The following NBEA variants were observed in gnomAD, a reference collection of about 807,000 sequenced individuals.
The protein encoded by NBEA is neurobeachin.
Under a neutral mutation model 343.4 loss-of-function variants are expected in NBEA, and 44 were observed. That is an observed-to-expected ratio of 0.13 (90% CI 0.10 to 0.16). The LOEUF (loss-of-function observed/expected upper bound fraction) is 0.16. NBEA is among the 10% of genes least tolerant of loss of function. The pLI, the probability that NBEA is intolerant of heterozygous loss-of-function variation, is 1.00. For missense variants in NBEA, 2,555 were observed against 3,631.3 expected (o/e 0.70, Z 7.62); for synonymous variants, 1,175 against 1,238.7 (o/e 0.95, Z 1.08).
intron 41 of NBEA, among the ~76,000 whole-genome samples, chr13:35,509,624 C>T (rs1471679809): frequency 6.6e-6 from 1 of 152,136 alleles, no homozygotes; most frequent in East Asian, 1.9e-4. Flanking sequence ...GCAACCTTTG[C>T]TGTGTTGTTT....
intron 45 of NBEA, among the ~76,000 whole-genome samples, chr13:35,578,829 A>G (rs2080873031): frequency 6.6e-6 from 1 of 152,094 alleles, no homozygotes; most frequent in Admixed American, 6.5e-5. Context: ...GAATATTTGC[A>G]TATACACAAT....
chr13:35,594,409 G>A (rs1270144352), intron 47 of NBEA, among the ~76,000 whole-genome samples: 2 of 152,044 alleles, frequency 1.3e-5, no homozygotes, highest in African/African-American at 2.4e-5. Flanking sequence ...TACAAGTTTT[G>A]TTCAGTATTT....
At chr13:35,213,027 CT>C in intron 33 of NBEA, among the ~76,000 whole-genome samples, 1 of 152,068 alleles carries the variant, frequency 6.6e-6, no homozygotes, top group South Asian at 2.1e-4. Context: ...ATTAAATTCA[CT>C]TTATAATTTT....
chr13:34,978,981 A>G (rs568637267), intron 1 of NBEA, among the ~76,000 whole-genome samples: 2 of 152,212 alleles, frequency 1.3e-5, no homozygotes, highest in South Asian at 4.1e-4. Context: ...TAAATACCTA[A>G]GAATGTAATT....
intron 30 of NBEA, among the ~76,000 whole-genome samples, chr13:35,189,617 C>T (rs66602070): frequency 0.13 from 19,794 of 151,762 alleles, 1,510 homozygotes; most frequent in African/African-American, 0.2. Context: ...ATATTGTAAG[C>T]TCTAGTCGAT....
chr13:35,048,864 T>A (rs2062959587), intron 5 of NBEA, among the ~76,000 whole-genome samples, 180 bp downstream of exon 5: 1 of 151,908 alleles, frequency 6.6e-6, no homozygotes, highest in Non-Finnish European at 1.5e-5. Context: ...TATTTTGCTA[T>A]TGATTCTAGG....
chr13:35,218,367 A>T (rs960546383), intron 33 of NBEA, among the ~76,000 whole-genome samples: 7 of 151,924 alleles, frequency 4.6e-5, no homozygotes, highest in Non-Finnish European at 8.8e-5. Context: ...TGAAATGTTA[A>T]CTCACTTATT....
At chr13:35,298,315 A>C (rs2036296414) in intron 35 of NBEA, among the ~76,000 whole-genome samples, 1 of 149,550 alleles carries the variant, frequency 6.7e-6, no homozygotes, top group African/African-American at 2.5e-5. Context: ...GAGGTCAAGA[A>C]TATAGTAGGT....
chr13:35,331,074 A>G (rs1344550413), intron 36 of NBEA, among the ~76,000 whole-genome samples: 1 of 152,128 alleles, frequency 6.6e-6, no homozygotes, highest in African/African-American at 2.4e-5. Flanking sequence ...ATGGAGCTTC[A>G]TAACTAAATA....
At position 35,648,058 on chromosome 13, in the gene NBEA, T is replaced by G. The variant is rs13378677; in HGVS notation, c.7771-1597T>G. On this transcript the variant is annotated intron_variant, in intron 51 of 58. Transcript: ENST00000379939. ...GCCTGGCTAAATTTTTAAAATTTTT[T>G]GTAGAGATTGGGTTTTGCTGTGTTT... is the stretch of plus-strand genomic sequence containing the variant. Among the ~76,000 whole-genome samples the G allele has an allele frequency of 3.8e-3, 578 of 152,002 alleles. 4 individuals are homozygous for G. The highest frequency in any genetic ancestry group is 0.013 in the African/African-American group (558 of 41,432).
intron 49 of NBEA, among the ~76,000 whole-genome samples, chr13:35,640,286 A>G (rs749433278): frequency 2.6e-5 from 4 of 152,252 alleles, no homozygotes; most frequent in Non-Finnish European, 4.4e-5. Context: ...AAAGGAAAGA[A>G]AACAATTAAG....
In NBEA at chr13:35,195,977, C is replaced by G. The variant is rs759259250; in HGVS notation, c.5041C>G (p.Gln1681Glu). Residue 1681 changes from glutamine (Q) to glutamate (E), a missense_variant, in exon 31 of 59, where the codon CAA becomes GAA. By Grantham distance (29) the Gln-to-Glu change is conservative. This residue lies in a region of NBEA where 270 missense variants were observed against 293.3 expected (regional missense o/e 0.92). Transcript: ENST00000379939. Reference sequence around the variant, plus strand: ...TACAGATTCAGGAATTGGAGAGGAGCAAGTGGCTAGCATCCTGAATGGGGC... The same window carrying G: ...TACAGATTCAGGAATTGGAGAGGAGGAAGTGGCTAGCATCCTGAATGGGGC... ...PHTDSGIGEE[Q>E]VASILNGAEL... The G allele has an allele frequency of 6.2e-7, 1 of 1,613,574 alleles. No individual in the cohort carries two copies. Among genetic ancestry groups the G allele is most frequent in the Non-Finnish European group, 8.5e-7 (1 of 1,179,706 alleles).
In NBEA at chr13:35,062,540, A is replaced by G. The variant is rs189472326; in HGVS notation, c.1239+3677A>G. On this transcript the variant is annotated intron_variant, in intron 8 of 58. Transcript: ENST00000379939. ...ATGCAAAGAGAACCAAAGTAGGCAC[A>G]TTACAGTCAAAGTGTGGAAAACCAA... Among the ~76,000 whole-genome samples, 1,289 of 151,962 alleles carry G rather than the reference A, an allele frequency of 8.5e-3. 17 individuals are homozygous for G. Among genetic ancestry groups the G allele is most frequent in the Non-Finnish European group, 9.9e-3 (674 of 67,822 alleles).
intron 39 of NBEA, among the ~76,000 whole-genome samples, chr13:35,440,560 G>T (rs751564266): frequency 6.6e-5 from 10 of 152,074 alleles, no homozygotes; most frequent in African/African-American, 2.4e-4. Context: ...GTGGCATTGT[G>T]GAAAAAGGGA....
At chr13:35,578,749 G>T (rs946176324) in intron 45 of NBEA, among the ~76,000 whole-genome samples, 7 of 152,018 alleles carry the variant, frequency 4.6e-5, no homozygotes, top group Admixed American at 3.3e-4. Context: ...ATGTGTGCAG[G>T]TTTGAGTATT....
intron 31 of NBEA, among the ~76,000 whole-genome samples, chr13:35,197,884 T>C (rs1262086920): frequency 6.6e-6 from 1 of 152,206 alleles, no homozygotes. Context: ...CTTGAAAATC[T>C]GTTGTGGAAA....
At chr13:35,270,120 A>G (rs1184764512) in intron 34 of NBEA, among the ~76,000 whole-genome samples, 1 of 152,226 alleles carries the variant, frequency 6.6e-6, no homozygotes, top group Non-Finnish European at 1.5e-5. Flanking sequence ...AATAGAAATT[A>G]AGTAGCCCCC....
intron 40 of NBEA, among the ~76,000 whole-genome samples, chr13:35,453,613 T>G (rs908893618): frequency 6.6e-6 from 1 of 152,228 alleles, no homozygotes; most frequent in Non-Finnish European, 1.5e-5. Flanking sequence ...TTTTAGATTA[T>G]GTGTTGTCTT....
chr13:35,648,678 G>A (rs2153078153), intron 51 of NBEA, among the ~76,000 whole-genome samples: 1 of 152,098 alleles, frequency 6.6e-6, no homozygotes, highest in South Asian at 2.1e-4. Flanking sequence ...GCTAAATAAT[G>A]GTTATTTCCA....
Sources: gnomAD v4.1 joint callset for allele counts (sites outside exome capture counted in the v4.1 genomes callset) on GRCh38, gnomAD v4.1.1 for gene constraint, gnomAD v4.1.1 regional missense constraint, MANE v1.5 for transcripts, NCBI Gene and HGNC (gene_info 2026-07-23, HGNC 2026-07-21) for gene names.